RTN4: variants seen among roughly 807,000 people sequenced by gnomAD.
The protein encoded by RTN4 is reticulon 4.
In RTN4, 32 loss-of-function variants were observed where a neutral mutation model predicts 90.4. The observed-to-expected ratio is 0.35, with a 90% CI of 0.27 to 0.48. RTN4 has a LOEUF of 0.48. Among genes scored for constraint, RTN4 ranks in the 20% least tolerant of loss-of-function variants. RTN4 has a pLI of 0.99. For synonymous variants in RTN4, 629 were observed against 552.5 expected (o/e 1.14, Z -1.94); for missense variants, 1,706 against 1,430.2 (o/e 1.19, Z -3.11).
At chr2:55,001,944 G>A (rs1679877956) in intron 3 of RTN4, among the ~76,000 whole-genome samples, 1 of 152,002 alleles carries the variant, frequency 6.6e-6, no homozygotes, top group African/African-American at 2.4e-5. Flanking sequence ...AAAACCTTAT[G>A]CACGGCTGTG....
intron 2 of RTN4, among the ~76,000 whole-genome samples, chr2:55,066,193 T>TGTGTTTG (rs1668389176): frequency 1.1e-3 from 122 of 111,042 alleles, no homozygotes; most frequent in Admixed American, 2.1e-3. Flanking sequence ...GTGTGTGTGT[T>TGTGTTTG]TGTGTGTGTG....
At chr2:55,102,419 A>T (rs530783987) in intron 1 of RTN4, among the ~76,000 whole-genome samples, 1 of 152,330 alleles carries the variant, frequency 6.6e-6, no homozygotes, top group East Asian at 1.9e-4. Flanking sequence ...ACGGCAAAAC[A>T]GCCATAAACT....
intron 3 of RTN4, among the ~76,000 whole-genome samples, chr2:55,000,545 G>A (rs1225594223): frequency 6.6e-6 from 1 of 152,120 alleles, no homozygotes; most frequent in Non-Finnish European, 1.5e-5. Flanking sequence ...CTCCCAGTCT[G>A]AGCAAGGCAC....
intron 1 of RTN4, among the ~76,000 whole-genome samples, chr2:55,108,445 G>A (rs1197892094): frequency 6.6e-6 from 1 of 152,040 alleles, no homozygotes; most frequent in Non-Finnish European, 1.5e-5. Context: ...GATGGGCCTG[G>A]AATTCCACTC....
intron 3 of RTN4, chr2:55,010,357 T>C: frequency 1.5e-6 from 2 of 1,332,534 alleles, no homozygotes; most frequent in Non-Finnish European, 1.9e-6. Flanking sequence ...GCATTAATGC[T>C]TTCCTTCTAT....
chr2:55,037,583 G>A (rs541140719), intron 1 of RTN4, among the ~76,000 whole-genome samples: 2 of 152,192 alleles, frequency 1.3e-5, no homozygotes, highest in Non-Finnish European at 2.9e-5. Flanking sequence ...TCTGGCTACT[G>A]TCATTGCTGT....
intron 1 of RTN4, among the ~76,000 whole-genome samples, chr2:55,030,979 G>A (rs978305011): frequency 1.3e-5 from 2 of 152,066 alleles, no homozygotes; most frequent in African/African-American, 2.4e-5. Flanking sequence ...GTGCTGAGCC[G>A]GCACATTTGT....
At position 54,987,459 on chromosome 2, in the gene RTN4, C is replaced by CCA. The variant is rs780600599; in HGVS notation, c.3221+30_3221+31dup. On this transcript the variant is annotated intron_variant, in intron 4 of 8. Coordinates refer to ENST00000337526, the MANE Select transcript of RTN4 (RefSeq NM_020532.5). The stretch of plus-strand genomic sequence containing the variant: ...AATACCAATCCTGTTTACACTATTG[C>CCA]CAATGCATGCCTTGTTTTCCAGACA... The CCA allele has an allele frequency of 1.1e-5, 16 of 1,427,956 alleles. No homozygotes were observed. The South Asian group carries it at 1.7e-4, about 15-fold the overall frequency. 88.5% of individuals were successfully genotyped at this position (1,427,956 alleles called of 1,614,324 possible).
intron 1 of RTN4, among the ~76,000 whole-genome samples, chr2:55,100,794 A>G (rs1288037565): frequency 6.6e-6 from 1 of 152,122 alleles, no homozygotes; most frequent in East Asian, 1.9e-4. Flanking sequence ...CTCAGGATGC[A>G]CTAGGGTTCA....
chr2:55,000,143 A>T (rs915638691), intron 3 of RTN4, among the ~76,000 whole-genome samples: 9 of 152,166 alleles, frequency 5.9e-5, no homozygotes, highest in Non-Finnish European at 1.3e-4. Context: ...ATCAAATATT[A>T]TATGTAATGC....
In RTN4 at chr2:55,025,816, A is replaced by G. The variant is rs201358364; in HGVS notation, c.2283T>C (p.Asp761=). 2.8e-5 allele frequency: 45 copies of G among 1,613,666 alleles called. No homozygotes were observed. The highest frequency in any genetic ancestry group is 3.7e-5 in the Non-Finnish European group (44 of 1,179,808). The change falls in exon 3 of 9, where the codon GAT becomes GAC. Residue 761 remains aspartate (D), a synonymous_variant. Transcript: ENST00000337526. Reference sequence around the variant, plus strand: ...TTTCTTTCACAAGCATCACAGTTTCATCTTGTTTTTGTGGAACGTCAGGTA... The same window carrying G: ...TTTCTTTCACAAGCATCACAGTTTCGTCTTGTTTTTGTGGAACGTCAGGTA... ...DSIPDVPQKQ[D]ETVMLVKESL...
chr2:55,028,996 C>T (rs1682109613), intron 1 of RTN4, among the ~76,000 whole-genome samples: 1 of 152,116 alleles, frequency 6.6e-6, no homozygotes, highest in Admixed American at 6.5e-5. Context: ...AAGCCCCAAC[C>T]CCTAAAGTGA....
intron 2 of RTN4, among the ~76,000 whole-genome samples, chr2:55,060,380 G>T (rs1246315991): frequency 5.9e-5 from 9 of 152,118 alleles, no homozygotes; most frequent in Non-Finnish European, 1.2e-4. Flanking sequence ...GCATATAGTT[G>T]TCATATTTCA....
Position 55,036,716 on chromosome 2 carries a change from A to C in RTN4, c.557-8496T>G, listed in dbSNP as rs1047794207. On this transcript the variant is annotated intron_variant, in intron 1 of 8. Transcript: ENST00000337526. ...AAGGAAAAACCATATGATCATCTCAACAAATGTCAAAAACTTATCTGACAA... is the reference window on the plus strand; with the variant it reads ...AAGGAAAAACCATATGATCATCTCACCAAATGTCAAAAACTTATCTGACAA... 5.3e-5 allele frequency among the ~76,000 whole-genome samples: 8 copies of C among 152,114 alleles called. No individual in the cohort carries two copies. The East Asian group carries it at 1.5e-3, about 29-fold the overall frequency.
At chr2:55,090,806 T>G (rs1043370656) in intron 1 of RTN4, among the ~76,000 whole-genome samples, 4 of 152,138 alleles carry the variant, frequency 2.6e-5, no homozygotes, top group African/African-American at 9.7e-5. Context: ...CCCCTAAACA[T>G]GCTTCTCCCT....
intron 2 of RTN4, among the ~76,000 whole-genome samples, chr2:55,063,249 T>C (rs1668331914): frequency 6.6e-6 from 1 of 152,186 alleles, no homozygotes; most frequent in African/African-American, 2.4e-5. Context: ...GAATAGAAGA[T>C]AGTGGGCTTC....
intron 2 of RTN4, among the ~76,000 whole-genome samples, chr2:55,073,878 G>C (rs768171725): frequency 1.3e-5 from 2 of 152,188 alleles, no homozygotes; most frequent in Non-Finnish European, 2.9e-5. Context: ...GCCAGGACCT[G>C]AGCTCAGTTT....
intron 3 of RTN4, chr2:55,010,167 C>T (rs376482073): frequency 1.2e-6 from 2 of 1,611,674 alleles, no homozygotes; most frequent in Non-Finnish European, 1.7e-6. Flanking sequence ...ATTATGCATA[C>T]CAACAGAAAA....
chr2:55,129,022 C>T, the RTN4 span, among the ~76,000 whole-genome samples: 5 of 149,950 alleles, frequency 3.3e-5, no homozygotes, highest in South Asian at 8.4e-4. Flanking sequence ...GCAGGAGAAT[C>T]GCTTGAAGCC....
Sources: allele counts gnomAD v4.1 joint callset (sites outside exome capture counted in the v4.1 genomes callset), GRCh38; gene constraint gnomAD v4.1.1; transcripts MANE v1.5; gene names NCBI Gene and HGNC (gene_info 2026-07-23, HGNC 2026-07-21).